RTN1: variants seen among roughly 807,000 people sequenced by gnomAD.
The protein encoded by RTN1 is reticulon-1.
RTN1 carries 25 observed loss-of-function variants against 65.5 expected under a neutral mutation model. The observed-to-expected ratio is 0.38, with a 90% CI of 0.28 to 0.53. RTN1 has a LOEUF of 0.53. Among genes scored for constraint, RTN1 ranks in the 20% least tolerant of loss-of-function variants. The probability of loss-of-function intolerance (pLI) is 0.79; values close to 1 mark genes in which losing one functional copy is unlikely to be tolerated. For synonymous variants in RTN1, 471 were observed against 447.6 expected, an observed-to-expected ratio of 1.05 and a Z score of -0.66; for missense variants, 983 against 1,025.4, an observed-to-expected ratio of 0.96 and a Z score of 0.57.
In RTN1 at chr14:59,685,937, G is replaced by A. The variant is rs138841682; in HGVS notation, c.1765+40982C>T. 6.2e-3 allele frequency among the ~76,000 whole-genome samples: 936 copies of A among 152,192 alleles called. 9 individuals are homozygous for A. Among genetic ancestry groups the A allele is most frequent in the Non-Finnish European group, 6.9e-3 (472 of 67,978 alleles). ...AAAATGTACTACTATAAAGCTATAG[G>A]AACCAAAACTGCATGGTACTGGCAT... On this transcript the variant is annotated intron_variant, in intron 3 of 8. Coordinates refer to ENST00000267484, the MANE Select transcript of RTN1 (RefSeq NM_021136.3).
At chr14:59,749,184 C>CTATATATA (rs1566711031) in intron 1 of RTN1, among the ~76,000 whole-genome samples, 1 of 60,110 alleles carries the variant, frequency 1.7e-5, no homozygotes, top group Non-Finnish European at 2.7e-5. Flanking sequence ...ATCTATATAT[C>CTATATATA]TATCTATATA....
At chr14:59,863,201 A>T (rs1003423787) in intron 1 of RTN1, among the ~76,000 whole-genome samples, 1 of 145,354 alleles carries the variant, frequency 6.9e-6, no homozygotes, top group Non-Finnish European at 1.5e-5. Context: ...AATATTCTCC[A>T]TAGCAAAAAA....
intron 3 of RTN1, among the ~76,000 whole-genome samples, chr14:59,642,802 C>T (rs1882807529): frequency 6.6e-6 from 1 of 152,038 alleles, no homozygotes; most frequent in Non-Finnish European, 1.5e-5. Flanking sequence ...CTATCATCTC[C>T]TTTTTTGCTT....
chr14:59,630,412 C>T lies in RTN1; in HGVS notation c.1766-22920G>A, dbSNP rs759023324. 100 of 1,612,658 alleles carry T rather than the reference C, an allele frequency of 6.2e-5. 1 individual carries two copies. The highest frequency in any genetic ancestry group is 5.7e-4 in the Admixed American group (34 of 59,956). ...GTCCAGGTCCCGGGTTTCCCGTGCG[C>T]CTCAGGCATGCACTACTGAAATAAA... is the stretch of plus-strand genomic sequence containing the variant. On this transcript the variant is annotated intron_variant, in intron 3 of 8. Coordinates refer to ENST00000267484, the MANE Select transcript of RTN1 (RefSeq NM_021136.3).
At chr14:59,856,750 C>T (rs1279487509) in intron 1 of RTN1, among the ~76,000 whole-genome samples, 1 of 152,216 alleles carries the variant, frequency 6.6e-6, no homozygotes, top group Non-Finnish European at 1.5e-5. Flanking sequence ...TATAGTAAAA[C>T]ATCTAAGGTT....
chr14:59,669,916 G>A (rs892083170), intron 3 of RTN1, among the ~76,000 whole-genome samples: 1 of 152,144 alleles, frequency 6.6e-6, no homozygotes, highest in African/African-American at 2.4e-5. Flanking sequence ...CCTTGTTCCA[G>A]AGCAACAAAA....
intron 3 of RTN1, chr14:59,610,200 T>C: frequency 1.3e-6 from 1 of 743,112 alleles, no homozygotes; most frequent in South Asian, 1.5e-5. Context: ...AGTCTGTGAA[T>C]GGCAGGCACT....
intron 3 of RTN1, among the ~76,000 whole-genome samples, chr14:59,658,484 G>T (rs1304906904): frequency 6.6e-6 from 1 of 152,194 alleles, no homozygotes; most frequent in Non-Finnish European, 1.5e-5. Context: ...ATACAGGAAA[G>T]CTCCAGCTGG....
chr14:59,695,958 TA>T (rs1884055178), intron 3 of RTN1, among the ~76,000 whole-genome samples: 2 of 152,120 alleles, frequency 1.3e-5, no homozygotes, highest in Non-Finnish European at 2.9e-5. Flanking sequence ...TGGCCCCAAA[TA>T]TTTTTATATG....
chr14:59,603,946 G>C, intron 5 of RTN1, 25 bp from the exon 6 acceptor site: 6 of 1,598,176 alleles, frequency 3.8e-6, no homozygotes, highest in Non-Finnish European at 4.3e-6. Context: ...CATTATTAGA[G>C]CTCCTAAAAC....
intron 3 of RTN1, among the ~76,000 whole-genome samples, chr14:59,700,406 C>T (rs1212797553): frequency 6.6e-6 from 1 of 152,028 alleles, no homozygotes; most frequent in Admixed American, 6.6e-5. Flanking sequence ...AAAAGTGACC[C>T]AGAATAGTCA....
Position 59,622,246 on chromosome 14 carries a change from C to T in RTN1, c.1766-14754G>A, listed in dbSNP as rs571792883. ...ATCCCAGCTACTTGGGAGGCTGAGG[C>T]AGGAGAATCACTTGAACCCAGGAGG... On this transcript the variant is annotated intron_variant, in intron 3 of 8. Coordinates refer to ENST00000267484, the MANE Select transcript of RTN1 (RefSeq NM_021136.3). Among the ~76,000 whole-genome samples the T allele has an allele frequency of 3.3e-5, 5 of 152,302 alleles. No homozygotes were observed. In the South Asian group the frequency reaches 1.0e-3, roughly 32 times the overall value.
Position 59,774,802 on chromosome 14 carries a change from G to A in RTN1, c.242-28321C>T, listed in dbSNP as rs1032532477. Among the ~76,000 whole-genome samples the A allele has an allele frequency of 1.3e-5, 2 of 152,108 alleles. No homozygotes were observed. Among genetic ancestry groups the A allele is most frequent in the Non-Finnish European group, 2.9e-5 (2 of 68,016 alleles). ...CCAACTCACAACATCTCCCCAAGGAGACCACATGATCAGAACTCACTCTTC... is the reference window on the plus strand; with the variant it reads ...CCAACTCACAACATCTCCCCAAGGAAACCACATGATCAGAACTCACTCTTC... On this transcript the variant is annotated intron_variant, in intron 1 of 8. Transcript: ENST00000267484. This position sits in a 1 kb window ranked among gnomAD's most constrained non-coding sequence, Gnocchi z 5.1.
intron 3 of RTN1, among the ~76,000 whole-genome samples, chr14:59,624,487 C>G (rs147331901): frequency 6.7e-6 from 1 of 149,016 alleles, no homozygotes; most frequent in Non-Finnish European, 1.5e-5. Flanking sequence ...TTTGAGACGG[C>G]GTCTTGCTCT....
intron 3 of RTN1, among the ~76,000 whole-genome samples, chr14:59,660,294 G>T (rs1346945835): frequency 6.6e-6 from 1 of 152,146 alleles, no homozygotes; most frequent in Non-Finnish European, 1.5e-5. Flanking sequence ...AATTGTGGGA[G>T]ACTTTAACAC....
chr14:59,650,999 T>A (rs1313906514), intron 3 of RTN1, among the ~76,000 whole-genome samples: 1 of 151,940 alleles, frequency 6.6e-6, no homozygotes, highest in South Asian at 2.1e-4. Context: ...GGCGAAACCC[T>A]GTCTCTACTA....
chr14:59,640,146 G>T (rs1882746412), intron 3 of RTN1, among the ~76,000 whole-genome samples: 1 of 152,136 alleles, frequency 6.6e-6, no homozygotes, highest in South Asian at 2.1e-4. Flanking sequence ...ATATTTGGAA[G>T]AATTCACCAC....
intron 3 of RTN1, among the ~76,000 whole-genome samples, chr14:59,608,706 C>G (rs1881844792): frequency 6.6e-6 from 1 of 152,156 alleles, no homozygotes; most frequent in Non-Finnish European, 1.5e-5. Context: ...ACCACCACTA[C>G]CTGGTCCATC....
rs553082921 is a variant in RTN1, at chr14:59,797,977, AT to A, written c.242-51497del. 2.7e-3 allele frequency among the ~76,000 whole-genome samples: 410 copies of A among 152,246 alleles called. 3 individuals are homozygous for A. Among genetic ancestry groups the A allele is most frequent in the Non-Finnish European group, 4.7e-3 (320 of 68,000 alleles). On this transcript the variant is annotated intron_variant, in intron 1 of 8. Transcript: ENST00000267484. Reference sequence around the variant, plus strand: ...TAATATCACTTGAGGGGCTTAATGGATTTTATTTTGTGATTTTAGCAGATAT... The same window carrying A: ...TAATATCACTTGAGGGGCTTAATGGATTTATTTTGTGATTTTAGCAGATAT...
Sources: gnomAD v4.1 joint callset for allele counts (sites outside exome capture counted in the v4.1 genomes callset) on GRCh38, gnomAD v4.1.1 for gene constraint, Gnocchi (gnomAD v3.1) non-coding constraint, MANE v1.5 for transcripts, NCBI Gene and HGNC (gene_info 2026-07-23, HGNC 2026-07-21) for gene names.